Variants in CSMD3 observed in about 807,000 individuals in gnomAD.
The protein encoded by CSMD3 is CUB and Sushi multiple domains 3, also known as CUB and sushi domain-containing protein 3.
CSMD3 carries 177 observed loss-of-function variants against 435.2 expected under a neutral mutation model. The ratio of observed to expected loss-of-function variants is 0.41; its 90% CI spans 0.36 to 0.46. The LOEUF is 0.46. Among genes scored for constraint, CSMD3 ranks in the 20% least tolerant of loss-of-function variants. CSMD3 has a pLI of 0.34. For synonymous variants in CSMD3, 1,656 were observed against 1,520.5 expected (o/e 1.09, Z -2.07); for missense variants, 4,265 against 4,504.6 (o/e 0.95, Z 1.52).
intron 22 of CSMD3, among the ~76,000 whole-genome samples, chr8:112,619,511 C>T (rs1833904629): frequency 6.6e-6 from 1 of 152,006 alleles, no homozygotes; most frequent in Admixed American, 6.6e-5. Context: ...TCCTTTCTCT[C>T]AGCTCATGAT....
intron 5 of CSMD3, among the ~76,000 whole-genome samples, chr8:113,073,271 A>C (rs2089202719): frequency 6.6e-6 from 1 of 151,776 alleles, no homozygotes; most frequent in African/African-American, 2.4e-5. Context: ...ACACCTGGTA[A>C]GTCAATACAG....
chr8:112,331,796 T>C (rs1287562946), intron 45 of CSMD3, among the ~76,000 whole-genome samples: 2 of 152,018 alleles, frequency 1.3e-5, no homozygotes, highest in Non-Finnish European at 2.9e-5. Flanking sequence ...CATTCAAAGA[T>C]TAGGCATACT....
In CSMD3 at chr8:112,306,220, C is replaced by A. The variant is rs762616770; in HGVS notation, c.7886-28G>T. The A allele has an allele frequency of 5.7e-6, 9 of 1,569,296 alleles. No homozygotes were observed. The South Asian group carries it at 1.0e-4, about 17-fold the overall frequency. On this transcript the variant is annotated intron_variant, in intron 50 of 70. Coordinates refer to ENST00000297405, the MANE Select transcript of CSMD3 (RefSeq NM_198123.2). ...AGAAAAACATACACACAAGCAAAAT[C>A]GTATAAACAGAAAAATGTTTAATTT...
At chr8:112,365,675 T>A (rs1827718484) in intron 38 of CSMD3, among the ~76,000 whole-genome samples, 1 of 152,044 alleles carries the variant, frequency 6.6e-6, no homozygotes, top group South Asian at 2.1e-4. Context: ...ATGGTGAAAT[T>A]CATTGATGCT....
chr8:112,880,767 A>T (rs1435020999), intron 10 of CSMD3, among the ~76,000 whole-genome samples: 1 of 151,966 alleles, frequency 6.6e-6, no homozygotes, highest in African/African-American at 2.4e-5. Flanking sequence ...GTGGATATCC[A>T]AAAGGCACTT....
chr8:112,471,876 T>C (rs976046032), intron 32 of CSMD3, among the ~76,000 whole-genome samples: 4 of 152,208 alleles, frequency 2.6e-5, no homozygotes, highest in African/African-American at 7.2e-5. Context: ...TCTCACACTT[T>C]ACTGCTCTCT....
At chr8:113,020,711 G>T (rs977582079) in intron 5 of CSMD3, among the ~76,000 whole-genome samples, 1 of 152,120 alleles carries the variant, frequency 6.6e-6, no homozygotes, top group African/African-American at 2.4e-5. Context: ...TCTTCAGAAG[G>T]CAAAATAAAC....
At chr8:112,294,509 T>C (rs577145698) in intron 54 of CSMD3, among the ~76,000 whole-genome samples, 6 of 152,238 alleles carry the variant, frequency 3.9e-5, no homozygotes, top group African/African-American at 1.4e-4. Flanking sequence ...GTAGGATAGA[T>C]TGTGATCTGA....
intron 38 of CSMD3, among the ~76,000 whole-genome samples, chr8:112,369,613 C>G (rs1410476416): frequency 2.0e-5 from 3 of 152,068 alleles, no homozygotes; most frequent in Non-Finnish European, 4.4e-5. Flanking sequence ...AACACAGGAA[C>G]AGACAACAAA....
chr8:112,464,914 G>A (rs920066240), intron 32 of CSMD3, among the ~76,000 whole-genome samples: 4 of 152,056 alleles, frequency 2.6e-5, no homozygotes, highest in Non-Finnish European at 4.4e-5. Context: ...AATCATCAGC[G>A]TTATTGCCTT....
intron 11 of CSMD3, among the ~76,000 whole-genome samples, chr8:112,858,848 C>G (rs2080741727): frequency 6.6e-6 from 1 of 151,798 alleles, no homozygotes; most frequent in Non-Finnish European, 1.5e-5. Flanking sequence ...AGCCACTATT[C>G]ATGATTCCTT....
At chr8:112,286,576 C>T (rs190707651) in intron 58 of CSMD3, among the ~76,000 whole-genome samples, 1 of 152,136 alleles carries the variant, frequency 6.6e-6, no homozygotes, top group Admixed American at 6.6e-5. Flanking sequence ...AACTTTTATT[C>T]TAGTATATTG....
At chr8:112,404,347 G>A (rs1831586749) in intron 35 of CSMD3, among the ~76,000 whole-genome samples, 1 of 151,984 alleles carries the variant, frequency 6.6e-6, no homozygotes, top group Admixed American at 6.6e-5. Context: ...GACCAACATG[G>A]TGAAACCCCG....
chr8:113,317,123 T>C (rs1366021317), intron 1 of CSMD3, among the ~76,000 whole-genome samples: 3 of 152,178 alleles, frequency 2.0e-5, no homozygotes, highest in Non-Finnish European at 2.9e-5. Flanking sequence ...AATATTTGTG[T>C]ATATTCAGAT....
At chr8:113,418,006 T>C (rs1479021035) in intron 1 of CSMD3, among the ~76,000 whole-genome samples, 3 of 152,146 alleles carry the variant, frequency 2.0e-5, no homozygotes, top group African/African-American at 4.8e-5. Flanking sequence ...GGTCAATTAA[T>C]ATTCTATTGT....
intron 7 of CSMD3, among the ~76,000 whole-genome samples, chr8:112,968,539 C>T (rs770274545): frequency 2.0e-5 from 3 of 151,896 alleles, no homozygotes; most frequent in East Asian, 1.9e-4. Flanking sequence ...GTTCCCTACA[C>T]TAAATTCTAC....
intron 1 of CSMD3, among the ~76,000 whole-genome samples, chr8:113,403,898 T>A (rs2094521248): frequency 6.6e-6 from 1 of 151,456 alleles, no homozygotes. Context: ...TCGTATTTTA[T>A]GAGTCACTCA....
chr8:112,372,792 T>TG (rs1263296025), intron 38 of CSMD3, among the ~76,000 whole-genome samples: 10 of 151,150 alleles, frequency 6.6e-5, no homozygotes, highest in Non-Finnish European at 1.3e-4. Context: ...GAGCTTGCAG[T>TG]GAGCCGAGAT....
chr8:113,400,360 C>T (rs912848067), intron 1 of CSMD3, among the ~76,000 whole-genome samples: 11 of 151,890 alleles, frequency 7.2e-5, no homozygotes, highest in Non-Finnish European at 1.5e-4. Context: ...CCCCATCCCT[C>T]GTGGCTAATA....
Sources: allele counts gnomAD v4.1 joint callset (sites outside exome capture counted in the v4.1 genomes callset), GRCh38; gene constraint gnomAD v4.1.1; transcripts MANE v1.5; gene names NCBI Gene and HGNC (gene_info 2026-07-23, HGNC 2026-07-21).